ARK2C: variants seen among roughly 807,000 people sequenced by gnomAD.
ARK2C encodes the protein arkadia (RNF111) C-terminal like ring finger ubiquitin ligase 2C, also known as E3 ubiquitin-protein ligase ARK2C.
the ARK2C span, among the ~76,000 whole-genome samples, chr18:46,448,722 T>G: frequency 7.4e-3 from 1,123 of 152,280 alleles, 16 homozygotes; most frequent in African/African-American, 0.025. Flanking sequence ...GGCTGCAGAG[T>G]GCCGAATCAT....
the ARK2C span, among the ~76,000 whole-genome samples, chr18:46,343,621 G>A: frequency 4.6e-5 from 7 of 152,198 alleles, no homozygotes; most frequent in Admixed American, 1.3e-4. Flanking sequence ...AGTACTCCGC[G>A]ACTTCACTGC....
the ARK2C span, among the ~76,000 whole-genome samples, chr18:46,387,726 C>G: frequency 6.6e-6 from 1 of 152,252 alleles, no homozygotes; most frequent in East Asian, 1.9e-4. Flanking sequence ...AACGCTGGGA[C>G]GGGAGAAGCT....
chr18:46,386,849 T>C, the ARK2C span: 1 of 152,224 alleles, frequency 6.6e-6, no homozygotes, highest in African/African-American at 2.4e-5. Flanking sequence ...GCAGACAGGA[T>C]TTAGGCCATT....
chr18:46,400,526 C>T, the ARK2C span, among the ~76,000 whole-genome samples: 1 of 152,188 alleles, frequency 6.6e-6, no homozygotes, highest in Admixed American at 6.5e-5. Context: ...CTGCCACCAT[C>T]CTGTGTTAAG....
At chr18:46,402,028 A>C in the ARK2C span, among the ~76,000 whole-genome samples, 2 of 152,222 alleles carry the variant, frequency 1.3e-5, no homozygotes, top group African/African-American at 4.8e-5. Context: ...TTTCCCTTGG[A>C]GCCATCTCTC....
chr18:46,448,517 A>C, the ARK2C span, among the ~76,000 whole-genome samples: 1 of 152,170 alleles, frequency 6.6e-6, no homozygotes, highest in African/African-American at 2.4e-5. Context: ...CTTGCACTTC[A>C]TATGGCCTCA....
chr18:46,334,804 T>A, the ARK2C span: 1 of 179,648 alleles, frequency 5.6e-6, no homozygotes, highest in Non-Finnish European at 1.0e-5. This position sits in a 1 kb window ranked among gnomAD's most constrained non-coding sequence, Gnocchi z 4.4. Flanking sequence ...GTGTTATGTG[T>A]GTTTTGTATT....
chr18:46,437,979 G>A, the ARK2C span, among the ~76,000 whole-genome samples: 1 of 152,182 alleles, frequency 6.6e-6, no homozygotes, highest in African/African-American at 2.4e-5. Context: ...CCCTGAGCCT[G>A]GAGTCACCCA....
the ARK2C span, among the ~76,000 whole-genome samples, chr18:46,434,548 C>T: frequency 3.3e-5 from 5 of 152,212 alleles, no homozygotes; most frequent in Non-Finnish European, 5.9e-5. Flanking sequence ...GAAAACCTCT[C>T]TGTTCATTTG....
At chr18:46,386,736 G>C in the ARK2C span, 1 of 152,236 alleles carries the variant, frequency 6.6e-6, no homozygotes, top group South Asian at 2.1e-4. Flanking sequence ...CTGGGACATG[G>C]TGCTGTCTTT....
chr18:46,446,625 C>T, the ARK2C span, among the ~76,000 whole-genome samples: 29 of 140,368 alleles, frequency 2.1e-4, no homozygotes, highest in Non-Finnish European at 3.0e-4. Context: ...GAGCCGAGAT[C>T]GCACCACTGC....
chr18:46,357,039 C>T, the ARK2C span, among the ~76,000 whole-genome samples: 1 of 152,130 alleles, frequency 6.6e-6, no homozygotes, highest in African/African-American at 2.4e-5. Flanking sequence ...AATCCACATT[C>T]CCAGGCCCTA....
the ARK2C span, among the ~76,000 whole-genome samples, chr18:46,424,301 C>G: frequency 6.6e-6 from 1 of 152,140 alleles, no homozygotes; most frequent in African/African-American, 2.4e-5. Flanking sequence ...GGCAAGGCCC[C>G]TGGGGGTCTG....
the ARK2C span, among the ~76,000 whole-genome samples, chr18:46,360,569 C>G: frequency 6.6e-6 from 1 of 152,192 alleles, no homozygotes; most frequent in Non-Finnish European, 1.5e-5. Context: ...CAGACTTTCC[C>G]TCTCTCTTCT....
the ARK2C span, chr18:46,458,387 C>G: frequency 2.6e-5 from 4 of 152,810 alleles, no homozygotes; most frequent in East Asian, 1.9e-4. Flanking sequence ...GCCCCACCCC[C>G]CACTGTTCCC....
At chr18:46,385,666 G>T in the ARK2C span, 2 of 152,218 alleles carry the variant, frequency 1.3e-5, no homozygotes, top group Non-Finnish European at 2.9e-5. Flanking sequence ...CCCCTTTGGA[G>T]CATGAACTGA....
the ARK2C span, among the ~76,000 whole-genome samples, chr18:46,339,406 G>A: frequency 9.9e-5 from 15 of 152,202 alleles, no homozygotes; most frequent in Non-Finnish European, 2.1e-4. Flanking sequence ...CAAGCTGTGG[G>A]TTAATGGGAA....
At chr18:46,348,228 C>T in the ARK2C span, among the ~76,000 whole-genome samples, 2 of 8,384 alleles carry the variant, frequency 2.4e-4, no homozygotes, top group Admixed American at 1.7e-3. Context: ...GGCCAAGGGG[C>T]TGGGGGGGGT....
chr18:46,423,786 C>A, the ARK2C span, among the ~76,000 whole-genome samples: 1 of 152,222 alleles, frequency 6.6e-6, no homozygotes, highest in Non-Finnish European at 1.5e-5. Flanking sequence ...CTCTGCACTT[C>A]ATTTAGCTAG....
Sources: gnomAD v4.1 joint callset for allele counts (sites outside exome capture counted in the v4.1 genomes callset) on GRCh38, gnomAD v4.1.1 for gene constraint, Gnocchi (gnomAD v3.1) non-coding constraint, MANE v1.5 for transcripts, NCBI Gene and HGNC (gene_info 2026-07-23, HGNC 2026-07-21) for gene names.